The following TMEM26 variants were observed in gnomAD, a reference collection of about 807,000 sequenced individuals.
TMEM26 encodes the protein transmembrane protein 26.
A neutral mutation model predicts 28.8 loss-of-function variants in TMEM26; 38 were observed. The observed-to-expected ratio is 1.32, with a 90% CI of 1.02 to 1.73. TMEM26 has a LOEUF of 1.73. Among genes scored for constraint, TMEM26 ranks in the 40% most tolerant of loss-of-function variants. The pLI, the probability that TMEM26 is intolerant of heterozygous loss-of-function variation, is 0.00. For synonymous variants in TMEM26, 227 were observed against 182.9 expected (o/e 1.24, Z -1.95); for missense variants, 518 against 447.1 (o/e 1.16, Z -1.43).
In TMEM26 at chr10:61,410,434, G is replaced by T; in HGVS notation, c.995C>A (p.Thr332Asn). ...CCGCTGAGAGGGCCCACTCTCAGAG[G>T]TCTGTGCCCGGCAACCATGTTCTCC... Reference protein sequence around the residue: ...LKGEHGCRAQTSESGPSQRDW... With the variant: ...LKGEHGCRAQNSESGPSQRDW... Residue 332 changes from threonine to asparagine, a missense_variant, in exon 6 of 6, where the codon ACC becomes AAC. By Grantham distance (65) the Thr-to-Asn change is moderately conservative. Transcript: ENST00000399298. 1.2e-6 allele frequency: 2 copies of T among 1,614,110 alleles called. No individual in the cohort carries two copies. Among genetic ancestry groups the T allele is most frequent in the Non-Finnish European group, 1.7e-6 (2 of 1,180,024 alleles).
At chr10:61,420,330 T>C (rs1392108123) in intron 4 of TMEM26, among the ~76,000 whole-genome samples, 2 of 152,096 alleles carry the variant, frequency 1.3e-5, no homozygotes, top group East Asian at 3.9e-4. Context: ...TGGTTGGTCT[T>C]GCTATCTCTG....
intron 2 of TMEM26, among the ~76,000 whole-genome samples, chr10:61,433,834 T>C (rs1191501043): frequency 6.6e-6 from 1 of 152,184 alleles, no homozygotes; most frequent in East Asian, 1.9e-4. Flanking sequence ...GGCAATATGG[T>C]TTAATGGACT....
chr10:61,417,611 A>G (rs1032416303), intron 4 of TMEM26, among the ~76,000 whole-genome samples: 2 of 152,014 alleles, frequency 1.3e-5, no homozygotes, highest in Non-Finnish European at 2.9e-5. Context: ...TCTGCAAAAT[A>G]AAAATAAAAC....
In TMEM26 at chr10:61,433,839, T is replaced by C. The variant is rs76857015; in HGVS notation, c.270+2331A>G. Among the ~76,000 whole-genome samples the C allele has an allele frequency of 2.4e-4, 36 of 152,330 alleles. No homozygotes were observed. In the East Asian group the frequency reaches 6.4e-3, roughly 27 times the overall value. ...AGCTGAGAAGGGCAATATGGTTTAA[T>C]GGACTAGACATCCATTAGGTTCTAA... is the stretch of plus-strand genomic sequence containing the variant. On this transcript the variant is annotated intron_variant, in intron 2 of 5. Coordinates refer to ENST00000399298, the MANE Select transcript of TMEM26 (RefSeq NM_178505.8).
chr10:61,448,339 T>C lies in TMEM26; in HGVS notation c.191+4552A>G, dbSNP rs946350043. 2.6e-5 allele frequency among the ~76,000 whole-genome samples: 4 copies of C among 152,222 alleles called. No individual in the cohort carries two copies. The East Asian group carries it at 7.7e-4, about 29-fold the overall frequency. ...TGAGTAAGATTGGGAGCCTGGAGTCTTCACTCTTCTCTCTCAACTGACAAC... is the reference window on the plus strand; with the variant it reads ...TGAGTAAGATTGGGAGCCTGGAGTCCTCACTCTTCTCTCTCAACTGACAAC... On this transcript the variant is annotated intron_variant, in intron 1 of 5. Transcript: ENST00000399298.
Position 61,453,030 on chromosome 10 carries a change from G to T in TMEM26, c.52C>A (p.Leu18Met), listed in dbSNP as rs1840318733. Residue 18 changes from leucine to methionine, a missense_variant, in exon 1 of 6, where the codon CTG becomes ATG. Coordinates refer to ENST00000399298, the MANE Select transcript of TMEM26 (RefSeq NM_178505.8). ...CGCCAGACCCCGACCAGCGAGTGCA[G>T]CAGGAACAGCAACCGAGTGGCCAGG... is the stretch of plus-strand genomic sequence containing the variant. Reference protein sequence around the residue: ...NALATRLLFLLHSLVGVWRVT... With the variant: ...NALATRLLFLMHSLVGVWRVT... The T allele has an allele frequency of 6.2e-7, 1 of 1,613,856 alleles. No homozygotes were observed. The highest frequency in any genetic ancestry group is 1.3e-5 in the African/African-American group (1 of 75,030).
rs2135279945 is a variant in TMEM26 at position 61,406,732 on chromosome 10, T to C, written c.*3590A>G. The C allele has an allele frequency of 6.6e-6, 1 of 152,100 alleles. No homozygotes were observed. The highest frequency in any genetic ancestry group is 2.4e-5 in the African/African-American group (1 of 41,508). 9.4% of individuals were successfully genotyped at this position (152,100 alleles called of 1,614,324 possible). On this transcript the variant is annotated 3_prime_UTR_variant, in exon 6 of 6. Transcript: ENST00000399298. ...ATAAATATAAATACTGCAGAGAAAA[T>C]ATTCTTATATGGTATTCTAGTAAGA...
chr10:61,414,174 C>G (rs1457700632), intron 4 of TMEM26: 1 of 533,458 alleles, frequency 1.9e-6, no homozygotes, highest in South Asian at 8.2e-5. Context: ...GTTAAAAGCA[C>G]CAAAGAAGGG....
At chr10:61,426,724 T>C (rs1373164793) in intron 4 of TMEM26, among the ~76,000 whole-genome samples, 1 of 152,092 alleles carries the variant, frequency 6.6e-6, no homozygotes, top group Non-Finnish European at 1.5e-5. Context: ...TGATCCCTTC[T>C]TCTATTAGAT....
In TMEM26 at chr10:61,410,446, C is replaced by CAAAGGAG; in HGVS notation, c.982_983insCTCCTTT (p.Cys328SerfsTer9). On this transcript the variant is annotated frameshift_variant, in exon 6 of 6. Transcript: ENST00000399298. LOFTEE classifies it low-confidence loss of function (END_TRUNC). ...CCCACTCTCAGAGGTCTGTGCCCGG[C>CAAAGGAG]AACCATGTTCTCCTTTCAGGCCTTC... 1 of 1,614,154 alleles carries CAAAGGAG rather than the reference C, an allele frequency of 6.2e-7. No homozygotes were observed. Among genetic ancestry groups the CAAAGGAG allele is most frequent in the South Asian group, 1.1e-5 (1 of 91,078 alleles).
At chr10:61,443,337 C>T (rs550968157) in intron 1 of TMEM26, among the ~76,000 whole-genome samples, 17 of 150,166 alleles carry the variant, frequency 1.1e-4, no homozygotes, top group South Asian at 8.4e-4. Flanking sequence ...TGGCGGCGTG[C>T]GCCTGTAGTC....
At chr10:61,420,964 A>G (rs1839736538) in intron 4 of TMEM26, among the ~76,000 whole-genome samples, 1 of 152,082 alleles carries the variant, frequency 6.6e-6, no homozygotes. Flanking sequence ...CAACAATTAT[A>G]ACACTGGATT....
intron 4 of TMEM26, among the ~76,000 whole-genome samples, chr10:61,415,438 T>C (rs1397250030): frequency 2.0e-5 from 3 of 152,080 alleles, no homozygotes; most frequent in Non-Finnish European, 2.9e-5. Context: ...AATTTTTAAA[T>C]AATGTTATGG....
chr10:61,439,165 A>T (rs899501436), intron 1 of TMEM26, among the ~76,000 whole-genome samples: 3 of 152,312 alleles, frequency 2.0e-5, no homozygotes, highest in Admixed American at 2.0e-4. Flanking sequence ...ATCCACCAAC[A>T]TTCTACTTGT....
intron 1 of TMEM26, among the ~76,000 whole-genome samples, chr10:61,444,653 T>TAA (rs10711559): frequency 0.16 from 21,489 of 133,642 alleles, 1,727 homozygotes; most frequent in Admixed American, 0.22. Context: ...CCTCATAATT[T>TAA]AAAAAAAAAA....
At chr10:61,446,969 T>A (rs1413588266) in intron 1 of TMEM26, among the ~76,000 whole-genome samples, 2 of 149,954 alleles carry the variant, frequency 1.3e-5, no homozygotes, top group African/African-American at 4.9e-5. Flanking sequence ...CAACAAACTT[T>A]AAAAAAAAAT....
chr10:61,420,641 A>G (rs1001812625), intron 4 of TMEM26, among the ~76,000 whole-genome samples: 3 of 151,996 alleles, frequency 2.0e-5, no homozygotes, highest in Non-Finnish European at 4.4e-5. Flanking sequence ...TTATATATAT[A>G]TGAAAAACCT....
Position 61,419,646 on chromosome 10 carries a change from G to A in TMEM26, c.606-6111C>T, listed in dbSNP as rs561437204. 2.4e-3 allele frequency among the ~76,000 whole-genome samples: 372 copies of A among 152,142 alleles called. 1 individual carries two copies. Among genetic ancestry groups the A allele is most frequent in the African/African-American group, 8.6e-3 (359 of 41,538 alleles). ...ATAAAAATCGAATCTGAAAGACACA[G>A]AGTAAAAAAAGATTGAAGGAAAAAC... On this transcript the variant is annotated intron_variant, in intron 4 of 5. Coordinates refer to ENST00000399298, the MANE Select transcript of TMEM26 (RefSeq NM_178505.8).
chr10:61,431,666 C>T lies in TMEM26; in HGVS notation c.271-334G>A, dbSNP rs374774276. Among the ~76,000 whole-genome samples, 6 of 151,958 alleles carry T rather than the reference C, an allele frequency of 3.9e-5. No individual in the cohort carries two copies. The South Asian group carries it at 1.2e-3, about 32-fold the overall frequency. On this transcript the variant is annotated intron_variant, in intron 2 of 5. Coordinates refer to ENST00000399298, the MANE Select transcript of TMEM26 (RefSeq NM_178505.8). ...CAAGAATTTAAAACCAAACAAATAA[C>T]CAGTGACAACAATCAAACATATATG...
Sources: allele counts gnomAD v4.1 joint callset (sites outside exome capture counted in the v4.1 genomes callset), GRCh38; gene constraint gnomAD v4.1.1; transcripts MANE v1.5; gene names NCBI Gene and HGNC (gene_info 2026-07-23, HGNC 2026-07-21).